Variants in SNAP25 observed in about 807,000 individuals in gnomAD.
SNAP25 encodes the protein synaptosome associated protein 25, also known as synaptosomal-associated protein 25.
A neutral mutation model predicts 28.7 loss-of-function variants in SNAP25; 3 were observed. That is an observed-to-expected ratio of 0.10 (90% CI 0.05 to 0.27). The LOEUF (loss-of-function observed/expected upper bound fraction) is 0.27, where lower values mean the gene tolerates loss of function less well. Ranked by LOEUF, SNAP25 falls within the 10% of genes least tolerant of loss-of-function variation. SNAP25 has a pLI of 1.00. For synonymous variants in SNAP25, 61 were observed against 88.1 expected, an observed-to-expected ratio of 0.69 and a Z score of 1.72; for missense variants, 117 against 278.7, an observed-to-expected ratio of 0.42 and a Z score of 4.13.
intron 6 of SNAP25, among the ~76,000 whole-genome samples, chr20:10,298,260 C>G (rs1345589614): frequency 6.6e-6 from 1 of 152,164 alleles, no homozygotes; most frequent in East Asian, 1.9e-4. Context: ...CTAGAAGTAT[C>G]TCTTAGCTAT....
chr20:10,303,212 T>C (rs2064280643), intron 7 of SNAP25, among the ~76,000 whole-genome samples: 1 of 152,168 alleles, frequency 6.6e-6, no homozygotes, highest in South Asian at 2.1e-4. Flanking sequence ...CATTTGTAGC[T>C]GGAAAGGGAG....
At position 10,307,394 on chromosome 20, in the gene SNAP25, A is replaced by C. The variant is rs753368532; in HGVS notation, c.*1197A>C. 1 of 152,580 alleles carries C rather than the reference A, an allele frequency of 6.6e-6. No individual in the cohort carries two copies. Among genetic ancestry groups the C allele is most frequent in the Non-Finnish European group, 1.5e-5 (1 of 68,018 alleles). The allele number at this position is 152,580 out of a possible 1,614,324, so 9.5% of individuals were successfully genotyped here. On this transcript the variant is annotated 3_prime_UTR_variant, in exon 8 of 8. Coordinates refer to ENST00000254976, the MANE Select transcript of SNAP25 (RefSeq NM_130811.4). ...TGATTGACATTTTGTAGCTAGTTTA[A>C]AATTATTAAAAATTATAGACTCCAG...
At chr20:10,252,498 G>A (rs981121952) in intron 1 of SNAP25, among the ~76,000 whole-genome samples, 39 of 152,108 alleles carry the variant, frequency 2.6e-4, no homozygotes, top group Admixed American at 9.2e-4. Context: ...CTAATCAAGG[G>A]TAAATAACAA....
At chr20:10,238,593 A>C (rs1209192758) in intron 1 of SNAP25, among the ~76,000 whole-genome samples, 2 of 152,150 alleles carry the variant, frequency 1.3e-5, no homozygotes, top group African/African-American at 4.8e-5. Context: ...CAACTTCATG[A>C]GGATCATACT....
Position 10,297,033 on chromosome 20 carries a change from T to C in SNAP25, c.390T>C (p.Ser130=). 6.2e-7 allele frequency: 1 copy of C among 1,603,932 alleles called. No homozygotes were observed. The highest frequency in any genetic ancestry group is 8.5e-7 in the Non-Finnish European group (1 of 1,174,434). Residue 130 remains serine (S), a synonymous_variant, in exon 6 of 8, where the codon AGT becomes AGC. Transcript: ENST00000254976. ...VVDEREQMAI[S]GGFIRRVTND... ...ACGAACGGGAGCAGATGGCCATCAGTGGCGGCTTCATCCGCAGGTGAGCCT... is the reference window on the plus strand; with the variant it reads ...ACGAACGGGAGCAGATGGCCATCAGCGGCGGCTTCATCCGCAGGTGAGCCT...
intron 6 of SNAP25, 110 bp from the exon 7 acceptor site, chr20:10,299,158 T>C (rs766613861): frequency 2.2e-5 from 26 of 1,203,414 alleles, no homozygotes; most frequent in Non-Finnish European, 2.8e-5. Flanking sequence ...AGATTAAAGA[T>C]AGATAAAGTT....
chr20:10,275,216 G>A (rs2063670021), intron 1 of SNAP25, among the ~76,000 whole-genome samples: 1 of 152,162 alleles, frequency 6.6e-6, no homozygotes, highest in Non-Finnish European at 1.5e-5. Flanking sequence ...TCGGTAGATA[G>A]GTGTCTATCT....
intron 1 of SNAP25, among the ~76,000 whole-genome samples, chr20:10,253,588 A>G (rs757483973): frequency 6.6e-6 from 1 of 152,166 alleles, no homozygotes; most frequent in Non-Finnish European, 1.5e-5. Context: ...CCCTGTTACT[A>G]TGAGCACCTG....
chr20:10,284,892 G>T, intron 4 of SNAP25, 120 bp downstream of exon 4: 5 of 752,188 alleles, frequency 6.6e-6, no homozygotes, highest in Non-Finnish European at 1.1e-5. Flanking sequence ...CGAATGTGAG[G>T]GTTCTAGATT....
intron 1 of SNAP25, among the ~76,000 whole-genome samples, chr20:10,241,214 G>A (rs1326237784): frequency 6.6e-6 from 1 of 152,084 alleles, no homozygotes; most frequent in African/African-American, 2.4e-5. Context: ...AGTGGGGGAA[G>A]TGAGGGCAGC....
At chr20:10,270,227 C>T (rs2063570111) in intron 1 of SNAP25, among the ~76,000 whole-genome samples, 1 of 152,080 alleles carries the variant, frequency 6.6e-6, no homozygotes, top group Admixed American at 6.5e-5. Context: ...GCACTCCAGC[C>T]TGGGCAACAA....
At chr20:10,257,487 C>T (rs1375396746) in intron 1 of SNAP25, among the ~76,000 whole-genome samples, 5 of 151,996 alleles carry the variant, frequency 3.3e-5, no homozygotes, top group South Asian at 2.1e-4. Context: ...CCGAGGCGGG[C>T]GGATCACCTG....
chr20:10,258,227 G>T (rs184824003), intron 1 of SNAP25, among the ~76,000 whole-genome samples: 1 of 152,270 alleles, frequency 6.6e-6, no homozygotes, highest in East Asian at 1.9e-4. Context: ...TTATTGCTCC[G>T]TAAGATATTA....
chr20:10,225,464 C>T (rs1369248340), intron 1 of SNAP25, among the ~76,000 whole-genome samples: 2 of 152,104 alleles, frequency 1.3e-5, no homozygotes, highest in Non-Finnish European at 2.9e-5. Flanking sequence ...AAATGCTTAA[C>T]AATGATTCCA....
At chr20:10,255,152 G>T (rs1271143786) in intron 1 of SNAP25, among the ~76,000 whole-genome samples, 1 of 152,164 alleles carries the variant, frequency 6.6e-6, no homozygotes, top group Non-Finnish European at 1.5e-5. Flanking sequence ...CAAATCCCAG[G>T]GTCCAAGTGG....
chr20:10,222,809 A>G (rs866900808), intron 1 of SNAP25, among the ~76,000 whole-genome samples: 3 of 152,354 alleles, frequency 2.0e-5, no homozygotes, highest in Middle Eastern at 3.4e-3. Flanking sequence ...TTCAGGATAC[A>G]TATACCTACA....
intron 4 of SNAP25, among the ~76,000 whole-genome samples, chr20:10,288,747 C>T (rs2063933802): frequency 6.6e-6 from 1 of 151,680 alleles, no homozygotes; most frequent in Non-Finnish European, 1.5e-5. Flanking sequence ...AACTGTAAAA[C>T]CCCCGAAAGT....
At chr20:10,274,966 C>T (rs369318155) in intron 1 of SNAP25, among the ~76,000 whole-genome samples, 6 of 152,068 alleles carry the variant, frequency 3.9e-5, no homozygotes, top group African/African-American at 1.4e-4. Flanking sequence ...GTTTTGATTG[C>T]AGTCATGGTT....
chr20:10,281,965 A>C (rs1360731297), intron 3 of SNAP25, among the ~76,000 whole-genome samples: 2 of 152,190 alleles, frequency 1.3e-5, no homozygotes, highest in Non-Finnish European at 2.9e-5. Context: ...ACCTTAGAGC[A>C]CTAGCATTAT....
Sources: gnomAD v4.1 joint callset for allele counts (sites outside exome capture counted in the v4.1 genomes callset) on GRCh38, gnomAD v4.1.1 for gene constraint, MANE v1.5 for transcripts, NCBI Gene and HGNC (gene_info 2026-07-23, HGNC 2026-07-21) for gene names.